Variants in TSHZ2 observed in about 807,000 individuals in gnomAD.
TSHZ2 encodes the protein teashirt zinc finger homeobox 2.
TSHZ2 carries 21 observed loss-of-function variants against 74.4 expected under a neutral mutation model. That is an observed-to-expected ratio of 0.28 (90% CI 0.20 to 0.41). The LOEUF is 0.41. Ranked by LOEUF, TSHZ2 falls within the 10% of genes least tolerant of loss-of-function variation. The pLI, the probability that TSHZ2 is intolerant of heterozygous loss-of-function variation, is 1.00. For synonymous variants in TSHZ2, 540 were observed against 515.3 expected (o/e 1.05, Z -0.65); for missense variants, 1,244 against 1,293.5 (o/e 0.96, Z 0.59).
chr20:53,247,153 A>T (rs1444864058), intron 1 of TSHZ2, among the ~76,000 whole-genome samples: 1 of 152,236 alleles, frequency 6.6e-6, no homozygotes, highest in African/African-American at 2.4e-5. Context: ...CGATCCGTAT[A>T]TATCAGTAAC....
intron 1 of TSHZ2, among the ~76,000 whole-genome samples, chr20:53,212,081 C>T (rs1261662703): frequency 2.6e-5 from 4 of 152,098 alleles, no homozygotes; most frequent in African/African-American, 4.8e-5. Flanking sequence ...AACTCTCAAT[C>T]GTGTTCAGAA....
intron 2 of TSHZ2, among the ~76,000 whole-genome samples, chr20:53,362,815 G>GTAAATT (rs1456429702): frequency 6.6e-6 from 1 of 152,168 alleles, no homozygotes; most frequent in African/African-American, 2.4e-5. Context: ...CTTAAAAATT[G>GTAAATT]TGCTTGTAAA....
intron 1 of TSHZ2, among the ~76,000 whole-genome samples, chr20:53,043,946 T>C (rs953123659): frequency 6.6e-6 from 1 of 152,184 alleles, no homozygotes; most frequent in African/African-American, 2.4e-5. Flanking sequence ...TGAGCTATAT[T>C]TTCAGTTCTT....
intron 2 of TSHZ2, among the ~76,000 whole-genome samples, chr20:53,315,228 A>G (rs1024893648): frequency 2.0e-5 from 3 of 152,224 alleles, no homozygotes; most frequent in Non-Finnish European, 2.9e-5. Flanking sequence ...AAAACTATTA[A>G]TTAGTTTTGA....
At chr20:53,377,475 T>C (rs1981698029) in intron 2 of TSHZ2, among the ~76,000 whole-genome samples, 1 of 152,222 alleles carries the variant, frequency 6.6e-6, no homozygotes, top group Non-Finnish European at 1.5e-5. Flanking sequence ...AAACTCATTC[T>C]TTAAAGGACT....
At chr20:53,190,129 A>ATT (rs1187750796) in intron 1 of TSHZ2, among the ~76,000 whole-genome samples, 1 of 87,858 alleles carries the variant, frequency 1.1e-5, no homozygotes, top group African/African-American at 4.8e-5. Context: ...ATATATATAT[A>ATT]TATATATATT....
intron 2 of TSHZ2, among the ~76,000 whole-genome samples, chr20:53,358,303 G>GA (rs58636181): frequency 0.5 from 49,770 of 100,356 alleles, 11,008 homozygotes; most frequent in African/African-American, 0.53. Flanking sequence ...AGACCAGGCA[G>GA]AAAAAAAAAA....
chr20:53,441,529 G>A (rs1475021050), intron 2 of TSHZ2, among the ~76,000 whole-genome samples: 1 of 151,550 alleles, frequency 6.6e-6, no homozygotes, highest in Non-Finnish European at 1.5e-5. Flanking sequence ...CTCATGATCC[G>A]CCCACCTCGG....
intron 1 of TSHZ2, among the ~76,000 whole-genome samples, chr20:52,997,064 T>C (rs931869553): frequency 2.0e-5 from 3 of 152,130 alleles, no homozygotes; most frequent in African/African-American, 7.2e-5. Context: ...GCGGCTGGGA[T>C]CTGTTACAAA....
intron 2 of TSHZ2, among the ~76,000 whole-genome samples, chr20:53,481,043 G>A (rs200594100): frequency 6.6e-6 from 1 of 151,192 alleles, no homozygotes. Flanking sequence ...CAATATATTA[G>A]AAAAAAAAAT....
chr20:53,439,692 G>C (rs936864945), intron 2 of TSHZ2, among the ~76,000 whole-genome samples: 2 of 152,120 alleles, frequency 1.3e-5, no homozygotes, highest in Non-Finnish European at 2.9e-5. Flanking sequence ...CCAAAGATAT[G>C]AGTTGGAAGC....
At chr20:53,260,488 G>A (rs1990580984) in intron 2 of TSHZ2, among the ~76,000 whole-genome samples, 1 of 152,168 alleles carries the variant, frequency 6.6e-6, no homozygotes. Flanking sequence ...GCTAGTGGCA[G>A]ACAAATAGAT....
chr20:53,219,186 G>A (rs116616298), intron 1 of TSHZ2, among the ~76,000 whole-genome samples: 1 of 152,184 alleles, frequency 6.6e-6, no homozygotes, highest in Non-Finnish European at 1.5e-5. Context: ...TAAACACAGA[G>A]TCTATTGAAA....
intron 1 of TSHZ2, among the ~76,000 whole-genome samples, chr20:53,021,956 T>C (rs1600650393): frequency 6.6e-6 from 1 of 152,158 alleles, no homozygotes; most frequent in East Asian, 1.9e-4. Flanking sequence ...TTCTTTCTTC[T>C]TCCAAAAAGA....
intron 2 of TSHZ2, among the ~76,000 whole-genome samples, chr20:53,314,098 G>A (rs542460631): frequency 9.2e-5 from 14 of 152,170 alleles, no homozygotes; most frequent in African/African-American, 3.4e-4. Context: ...AACCAGCCCG[G>A]CCAACATGGT....
chr20:53,368,664 T>A (rs1036374131), intron 2 of TSHZ2, among the ~76,000 whole-genome samples: 2 of 152,112 alleles, frequency 1.3e-5, no homozygotes, highest in African/African-American at 2.4e-5. Context: ...CATAAACTGA[T>A]AGCAATATAG....
chr20:53,089,323 T>TC (rs1985801275), intron 1 of TSHZ2, among the ~76,000 whole-genome samples: 2 of 115,882 alleles, frequency 1.7e-5, no homozygotes, highest in Admixed American at 1.7e-4. Context: ...GGATTTTCTT[T>TC]TTTTTTTTTT....
chr20:53,354,265 A>G (rs1277683979), intron 2 of TSHZ2, among the ~76,000 whole-genome samples: 2 of 152,218 alleles, frequency 1.3e-5, no homozygotes, highest in Non-Finnish European at 2.9e-5. Context: ...ATGAGGAGAC[A>G]TGGTGCTCTT....
intron 2 of TSHZ2, among the ~76,000 whole-genome samples, chr20:53,361,429 C>G (rs1981049675): frequency 6.6e-6 from 1 of 152,338 alleles, no homozygotes; most frequent in East Asian, 1.9e-4. Flanking sequence ...CAACATTCCT[C>G]TCTGCTGTGG....
Sources: allele counts gnomAD v4.1 joint callset (sites outside exome capture counted in the v4.1 genomes callset), GRCh38; gene constraint gnomAD v4.1.1; transcripts MANE v1.5; gene names NCBI Gene and HGNC (gene_info 2026-07-23, HGNC 2026-07-21).